Variants in EVL observed in about 807,000 individuals in gnomAD.
The protein encoded by EVL is Enah/Vasp-like.
EVL carries 21 observed loss-of-function variants against 59.6 expected under a neutral mutation model. That is an observed-to-expected ratio of 0.35 (90% CI 0.25 to 0.51). EVL has a LOEUF of 0.51. Among genes scored for constraint, EVL ranks in the 20% least tolerant of loss-of-function variants. The pLI, the probability that EVL is intolerant of heterozygous loss-of-function variation, is 0.97. For synonymous variants in EVL, 198 were observed against 203.5 expected, an observed-to-expected ratio of 0.97 and a Z score of 0.23; for missense variants, 462 against 546.6, an observed-to-expected ratio of 0.85 and a Z score of 1.54.
At chr14:100,087,974 C>T (rs1034332441) in intron 2 of EVL, among the ~76,000 whole-genome samples, 3 of 152,146 alleles carry the variant, frequency 2.0e-5, no homozygotes, top group South Asian at 2.1e-4. Context: ...GGCATGACTG[C>T]GATTTTCAAG....
chr14:100,078,572 A>T (rs114327194), intron 1 of EVL, among the ~76,000 whole-genome samples: 986 of 27,542 alleles, frequency 0.036, 14 homozygotes, highest in African/African-American at 0.12. Flanking sequence ...GAGTGACGGC[A>T]GGGTGGGGGT....
chr14:100,072,309 A>G (rs1410804913), intron 1 of EVL, among the ~76,000 whole-genome samples: 2 of 152,274 alleles, frequency 1.3e-5, no homozygotes, highest in African/African-American at 2.4e-5. Context: ...AGTGCATCCT[A>G]CACCTCCCTG....
At chr14:100,084,990 T>C in intron 2 of EVL, 135 bp downstream of exon 2, 1 of 898,510 alleles carries the variant, frequency 1.1e-6, no homozygotes, top group Non-Finnish European at 1.7e-6. Flanking sequence ...TGGGCTCAGA[T>C]TTTGACTCCA....
chr14:100,006,017 C>CCCCG (rs1566967177), intron 1 of EVL, among the ~76,000 whole-genome samples: 22 of 149,534 alleles, frequency 1.5e-4, no homozygotes, highest in African/African-American at 5.1e-4. Context: ...TTTCCCCCCC[C>CCCCG]CCCCCCACAC....
At chr14:100,112,479 C>A (rs1887066702) in intron 3 of EVL, among the ~76,000 whole-genome samples, 1 of 152,224 alleles carries the variant, frequency 6.6e-6, no homozygotes, top group Admixed American at 6.5e-5. Flanking sequence ...AGAATATAGT[C>A]CACATCCTTA....
At chr14:100,058,290 A>G (rs1056598603) in intron 1 of EVL, among the ~76,000 whole-genome samples, 8 of 152,320 alleles carry the variant, frequency 5.3e-5, no homozygotes, top group South Asian at 4.2e-4. Flanking sequence ...TTTATTGAGC[A>G]TTTACTGTTT....
intron 1 of EVL, among the ~76,000 whole-genome samples, chr14:100,043,933 A>G (rs1438810669): frequency 6.6e-6 from 1 of 152,068 alleles, no homozygotes; most frequent in Non-Finnish European, 1.5e-5. Flanking sequence ...TAGATATACA[A>G]GGGAGGACTT....
intron 1 of EVL, among the ~76,000 whole-genome samples, chr14:99,984,968 C>T (rs541743171): frequency 1.0e-3 from 155 of 152,142 alleles, no homozygotes; most frequent in African/African-American, 3.4e-3. Flanking sequence ...GTTGTTTTTA[C>T]CCGGTATCCT....
chr14:99,997,374 C>T (rs766118439), intron 1 of EVL, among the ~76,000 whole-genome samples: 19 of 152,244 alleles, frequency 1.2e-4, no homozygotes, highest in Non-Finnish European at 2.4e-4. Flanking sequence ...GGGAGGCAAC[C>T]ATCCTGTACG....
chr14:100,130,202 C>T lies in EVL; in HGVS notation c.839+518C>T, dbSNP rs569098420. Among the ~76,000 whole-genome samples, 31 of 152,300 alleles carry T rather than the reference C, an allele frequency of 2.0e-4. No homozygotes were observed. The highest frequency in any genetic ancestry group is 6.5e-4 in the African/African-American group (27 of 41,558). The stretch of plus-strand genomic sequence containing the variant: ...AGAGAGAGTAGTTCCATCTACATCC[C>T]GGCCGGGCTCTTGGGCCTGAGACCT... On this transcript the variant is annotated intron_variant, in intron 7 of 13. Transcript: ENST00000392920. The surrounding 1 kb of genome is among the most constrained non-coding windows in gnomAD (Gnocchi z 4.8).
At chr14:100,001,156 TG>T (rs2060943960) in intron 1 of EVL, among the ~76,000 whole-genome samples, 1 of 152,202 alleles carries the variant, frequency 6.6e-6, no homozygotes, top group Non-Finnish European at 1.5e-5. Flanking sequence ...AAGTGGCTTA[TG>T]TATGTAAATA....
At chr14:99,976,188 A>G (rs1298751029) in intron 1 of EVL, among the ~76,000 whole-genome samples, 1 of 80,484 alleles carries the variant, frequency 1.2e-5, no homozygotes, top group Non-Finnish European at 2.4e-5. Flanking sequence ...GCTTTTATTT[A>G]TTTATTTATT....
intron 3 of EVL, among the ~76,000 whole-genome samples, chr14:100,100,811 G>GAAAAAA (rs1886166328): frequency 6.8e-6 from 1 of 146,944 alleles, no homozygotes; most frequent in African/African-American, 2.5e-5. Flanking sequence ...AAAAAAAAAT[G>GAAAAAA]GAAGTATGAA....
intron 2 of EVL, among the ~76,000 whole-genome samples, chr14:100,087,242 C>T (rs1244750114): frequency 6.6e-6 from 1 of 152,136 alleles, no homozygotes; most frequent in Non-Finnish European, 1.5e-5. Context: ...GTTATAGTAC[C>T]ATTAGCCAAA....
chr14:99,997,124 C>T (rs1056082165), intron 1 of EVL, among the ~76,000 whole-genome samples: 5 of 150,994 alleles, frequency 3.3e-5, no homozygotes, highest in African/African-American at 1.2e-4. Flanking sequence ...TGATGTAGAC[C>T]TTCAGTTTGT....
At chr14:100,038,138 C>T (rs1247625568) in intron 1 of EVL, among the ~76,000 whole-genome samples, 1 of 152,168 alleles carries the variant, frequency 6.6e-6, no homozygotes, top group Admixed American at 6.5e-5. Context: ...AGACGGAGAG[C>T]TGCAGGCAGC....
chr14:100,065,052 T>G (rs2061902147), upstream of EVL, among the ~76,000 whole-genome samples: 1 of 152,206 alleles, frequency 6.6e-6, no homozygotes, highest in African/African-American at 2.4e-5. Context: ...GAGCCTGCAC[T>G]TTCTATAACA....
At chr14:100,138,029 C>G (rs1888921349) in intron 11 of EVL, 1 of 595,706 alleles carries the variant, frequency 1.7e-6, no homozygotes, top group African/African-American at 1.9e-5. Flanking sequence ...AGTGACCTGT[C>G]CACAGAGGTA....
intron 1 of EVL, among the ~76,000 whole-genome samples, chr14:99,981,021 G>A (rs757421297): frequency 6.6e-6 from 1 of 151,280 alleles, no homozygotes; most frequent in Non-Finnish European, 1.5e-5. Context: ...GATGGCTTGA[G>A]GCCAAAAGTT....
Sources: allele counts gnomAD v4.1 joint callset (sites outside exome capture counted in the v4.1 genomes callset), GRCh38; gene constraint gnomAD v4.1.1; non-coding constraint Gnocchi (gnomAD v3.1); transcripts MANE v1.5; gene names NCBI Gene and HGNC (gene_info 2026-07-23, HGNC 2026-07-21).